The following TBC1D14 variants were observed in gnomAD, a reference collection of about 807,000 sequenced individuals.
TBC1D14 encodes the protein TBC1 domain family, member 14.
A neutral mutation model predicts 79.0 loss-of-function variants in TBC1D14; 26 were observed. The ratio of observed to expected loss-of-function variants is 0.33; its 90% confidence interval spans 0.24 to 0.46. The LOEUF (loss-of-function observed/expected upper bound fraction) is 0.46, where lower values mean the gene tolerates loss of function less well. Ranked by LOEUF, TBC1D14 falls within the 20% of genes least tolerant of loss-of-function variation. The pLI, the probability that TBC1D14 is intolerant of heterozygous loss-of-function variation, is 1.00. For missense variants in TBC1D14, 769 were observed against 887.6 expected, an observed-to-expected ratio of 0.87 and a Z score of 1.70; for synonymous variants, 394 against 349.9, an observed-to-expected ratio of 1.13 and a Z score of -1.40.
At chr4:6,910,010 G>C (rs1015894544) in intron 1 of TBC1D14, 59 bp downstream of exon 1, 1 of 147,538 alleles carries the variant, frequency 6.8e-6, no homozygotes, top group Non-Finnish European at 1.5e-5. Context: ...CAGGGCGCGC[G>C]GGGCCGCCAC....
chr4:6,972,781 C>T (rs976397387), intron 3 of TBC1D14, among the ~76,000 whole-genome samples: 2 of 152,126 alleles, frequency 1.3e-5, no homozygotes, highest in African/African-American at 4.8e-5. Context: ...CAGCTGGACT[C>T]GAAGCTTCAG....
chr4:6,961,545 G>A (rs1715191712), intron 2 of TBC1D14, among the ~76,000 whole-genome samples: 2 of 152,154 alleles, frequency 1.3e-5, no homozygotes, highest in Non-Finnish European at 2.9e-5. Flanking sequence ...TTAATCCTGA[G>A]TCTCCTCTCG....
intron 3 of TBC1D14, among the ~76,000 whole-genome samples, chr4:6,970,495 A>G (rs1000884441): frequency 6.6e-6 from 1 of 152,276 alleles, no homozygotes; most frequent in Non-Finnish European, 1.5e-5. Context: ...ACAACAGGAA[A>G]TGGAACAACG....
At chr4:7,019,763 C>G (rs6830288) in intron 12 of TBC1D14, among the ~76,000 whole-genome samples, 1 of 57,550 alleles carries the variant, frequency 1.7e-5, no homozygotes, top group Non-Finnish European at 3.5e-5. Context: ...GGGCTCAGGT[C>G]AGGGAGGACT....
intron 2 of TBC1D14, among the ~76,000 whole-genome samples, chr4:6,965,171 TTG>T (rs77534197): frequency 0.82 from 119,502 of 145,476 alleles, 47,946 homozygotes; most frequent in East Asian, 0.97. Context: ...TTTTTTTTTT[TTG>T]GCGATAGAGT....
At chr4:6,924,724 T>A (rs1474462912) in intron 2 of TBC1D14, among the ~76,000 whole-genome samples, 1 of 152,166 alleles carries the variant, frequency 6.6e-6, no homozygotes, top group Non-Finnish European at 1.5e-5. Flanking sequence ...AGTTCCTGTG[T>A]CTCCCTGAAG....
At chr4:6,987,305 G>A in intron 3 of TBC1D14, 2 of 1,388,580 alleles carry the variant, frequency 1.4e-6, no homozygotes, top group Non-Finnish European at 9.4e-7. Flanking sequence ...CGCTCGCTGG[G>A]CATGGAGCCT....
intron 2 of TBC1D14, among the ~76,000 whole-genome samples, chr4:6,958,279 C>T (rs1714843333): frequency 6.6e-6 from 1 of 151,794 alleles, no homozygotes; most frequent in Admixed American, 6.6e-5. Context: ...CTGCTTCATA[C>T]TGGGGGTCGA....
Position 6,909,949 on chromosome 4 carries a change from C to G in TBC1D14, c.-20C>G, listed in dbSNP as rs947655070. The G allele has an allele frequency of 1.4e-5, 2 of 147,714 alleles. No homozygotes were observed. Among genetic ancestry groups the G allele is most frequent in the African/African-American group, 4.9e-5 (2 of 40,994 alleles). 9.2% of individuals were successfully genotyped at this position (147,714 alleles called of 1,614,324 possible). A position where few individuals can be genotyped will look rare whatever the true frequency, so the allele number is the denominator to read the frequency against. ...GGATGGCGTCGGAGCCGCGCTAACT[C>G]CGGTACTGAGAGCCTCCCGCGAGGG... On this transcript the variant is annotated splice_region_variant and 5_prime_UTR_variant, in exon 1 of 14. Coordinates refer to ENST00000409757, the MANE Select transcript of TBC1D14 (RefSeq NM_020773.3).
intron 3 of TBC1D14, among the ~76,000 whole-genome samples, chr4:6,968,673 C>T (rs796155947): frequency 5.9e-5 from 3 of 51,220 alleles, no homozygotes; most frequent in African/African-American, 9.6e-5. Flanking sequence ...GGCTGACCGC[C>T]GGGAGGAGGC....
At chr4:7,009,738 C>T in intron 9 of TBC1D14, 139 bp from the exon 10 acceptor site, 6 of 847,672 alleles carry the variant, frequency 7.1e-6, no homozygotes, top group Admixed American at 5.6e-5. Context: ...GCATATAGAG[C>T]TGCTGGCATC....
At chr4:6,975,052 C>G (rs1716592555) in intron 3 of TBC1D14, among the ~76,000 whole-genome samples, 1 of 151,928 alleles carries the variant, frequency 6.6e-6, no homozygotes, top group Admixed American at 6.6e-5. Context: ...GCTGGGATTA[C>G]AGGCGCCCGT....
rs779614285 is a variant in TBC1D14 at position 7,004,775 on chromosome 4, T to C, written c.1271-69T>C. The C allele has an allele frequency of 2.9e-4, 407 of 1,386,674 alleles. 1 individual carries two copies. The highest frequency in any genetic ancestry group is 3.8e-4 in the Non-Finnish European group (367 of 974,472). 85.9% of individuals were successfully genotyped at this position (1,386,674 alleles called of 1,614,324 possible). A position where few individuals can be genotyped will look rare whatever the true frequency, so the allele number is the denominator to read the frequency against. ...CTTAAGTATTTGGAGGAAATAGTAC[T>C]GTGTTCTGTGGTGGTTTTGACGAAA... On this transcript the variant is annotated intron_variant, in intron 7 of 13. Coordinates refer to ENST00000409757, the MANE Select transcript of TBC1D14 (RefSeq NM_020773.3).
At chr4:7,028,880 G>T (rs1054847559) in intron 13 of TBC1D14, among the ~76,000 whole-genome samples, 1 of 149,878 alleles carries the variant, frequency 6.7e-6, no homozygotes, top group South Asian at 2.1e-4. Flanking sequence ...TCTCATTGCC[G>T]AGACTGGAGT....
At chr4:7,009,769 T>C (rs1720557255) in intron 9 of TBC1D14, 108 bp from the exon 10 acceptor site, 1 of 1,087,336 alleles carries the variant, frequency 9.2e-7, no homozygotes, top group Non-Finnish European at 1.4e-6. Flanking sequence ...TATTTCATAA[T>C]GCTGAAAATA....
chr4:7,005,071 TG>T (rs1385510393), intron 8 of TBC1D14, 147 bp downstream of exon 8: 134 of 807,428 alleles, frequency 1.7e-4, no homozygotes, highest in African/African-American at 9.5e-4. Flanking sequence ...TTTTTTGTTT[TG>T]TTTTTTTTAG....
At chr4:7,002,126 C>T (rs948093474) in intron 7 of TBC1D14, among the ~76,000 whole-genome samples, 8 of 152,198 alleles carry the variant, frequency 5.3e-5, no homozygotes, top group African/African-American at 1.9e-4. Flanking sequence ...CAGGTCTCCC[C>T]TCACGCCCTC....
chr4:7,002,878 C>G (rs1208309890), intron 7 of TBC1D14, among the ~76,000 whole-genome samples: 5 of 152,110 alleles, frequency 3.3e-5, no homozygotes, highest in African/African-American at 1.2e-4. Flanking sequence ...ATTGACAGTG[C>G]GACCTTGACC....
rs1720582587 is a variant in TBC1D14 at position 7,009,926 on chromosome 4, G to A, written c.1496G>A (p.Cys499Tyr). 1.9e-6 allele frequency: 3 copies of A among 1,614,060 alleles called. No homozygotes were observed. The highest frequency in any genetic ancestry group is 1.7e-6 in the Non-Finnish European group (2 of 1,180,036). ...CACAGTATTTTGGGCGCTTATACTT[G>A]TTACCGGCCAGATGTGGGTTATGTA... ...MLHSILGAYT[C>Y]YRPDVGYVQG... The change falls in exon 10 of 14, where the codon TGT (cysteine) becomes TAT (tyrosine). Residue 499 changes from cysteine (C) to tyrosine (Y), a missense_variant. By Grantham distance (194) the Cys-to-Tyr change is radical. Transcript: ENST00000409757.
Sources: gnomAD v4.1 joint callset for allele counts (sites outside exome capture counted in the v4.1 genomes callset) on GRCh38, gnomAD v4.1.1 for gene constraint, MANE v1.5 for transcripts, NCBI Gene and HGNC (gene_info 2026-07-23, HGNC 2026-07-21) for gene names.